The following HGF variants were observed in gnomAD, a reference collection of about 807,000 sequenced individuals.
The protein encoded by HGF is hepatocyte growth factor.
Under a neutral mutation model 111.6 loss-of-function variants are expected in HGF, and 39 were observed. That is an observed-to-expected ratio of 0.35 (90% CI 0.27 to 0.46). The LOEUF is 0.46. Among genes scored for constraint, HGF ranks in the 20% least tolerant of loss-of-function variants. The pLI, the probability that HGF is intolerant of heterozygous loss-of-function variation, is 1.00. For missense variants in HGF, 735 were observed against 910.5 expected (o/e 0.81, Z 2.48); for synonymous variants, 285 against 294.8 (o/e 0.97, Z 0.34).
chr7:81,744,052 C>T (rs778808550), intron 6 of HGF, among the ~76,000 whole-genome samples: 5 of 151,956 alleles, frequency 3.3e-5, no homozygotes, highest in Admixed American at 1.3e-4. Context: ...CTCACTTAAA[C>T]GACAAGACAA....
At chr7:81,704,816 G>A (rs1221078687) in intron 17 of HGF, among the ~76,000 whole-genome samples, 1 of 151,754 alleles carries the variant, frequency 6.6e-6, no homozygotes, top group African/African-American at 2.4e-5. Flanking sequence ...GTAAAATAGG[G>A]ATAGGAACAT....
At chr7:81,765,443 A>T (rs1223281671) in intron 1 of HGF, among the ~76,000 whole-genome samples, 1 of 152,108 alleles carries the variant, frequency 6.6e-6, no homozygotes, top group Non-Finnish European at 1.5e-5. Context: ...AAAACAAATA[A>T]ATCTATTATT....
intron 4 of HGF, among the ~76,000 whole-genome samples, chr7:81,754,472 A>T (rs1178346711): frequency 2.0e-5 from 3 of 152,044 alleles, no homozygotes; most frequent in African/African-American, 7.2e-5. Context: ...TAAGTCAACA[A>T]TTTATTAGGA....
intron 10 of HGF, among the ~76,000 whole-genome samples, chr7:81,720,488 T>C (rs1478867594): frequency 6.6e-6 from 1 of 152,202 alleles, no homozygotes; most frequent in Non-Finnish European, 1.5e-5. Context: ...TTTGTTGATG[T>C]TCCCCATGGT....
At chr7:81,756,125 TG>T in intron 4 of HGF, 1 of 692,296 alleles carries the variant, frequency 1.4e-6, no homozygotes, top group South Asian at 1.5e-5. Flanking sequence ...GCCCTGAAGT[TG>T]TTAAAAGCGC....
rs546227025 is a variant in HGF, at chr7:81,726,029, A to G, written c.1041-12T>C. ...TTTCTCGTAGGTCCCTATTGAGAAT[A>G]AGCATGTTAATGTAAATTGCCGGAG... On this transcript the variant is annotated splice_polypyrimidine_tract_variant and intron_variant, in intron 8 of 17. Transcript: ENST00000222390. The G allele has an allele frequency of 1.5e-4, 242 of 1,613,774 alleles. No individual in the cohort carries two copies. The South Asian group carries it at 2.5e-3, about 17-fold the overall frequency.
At chr7:81,713,337 C>T (rs1346944382) in intron 11 of HGF, among the ~76,000 whole-genome samples, 1 of 151,940 alleles carries the variant, frequency 6.6e-6, no homozygotes, top group Non-Finnish European at 1.5e-5. Context: ...CCAGTCTGGC[C>T]AACACAGTGA....
intron 10 of HGF, among the ~76,000 whole-genome samples, chr7:81,718,069 A>C (rs1293047193): frequency 2.0e-5 from 3 of 152,202 alleles, no homozygotes; most frequent in Non-Finnish European, 4.4e-5. Context: ...TCAATTCTAC[A>C]TGGCCACTTT....
chr7:81,726,097 C>G, intron 8 of HGF, 80 bp from the exon 9 acceptor site: 1 of 1,391,368 alleles, frequency 7.2e-7, no homozygotes, highest in Non-Finnish European at 1.0e-6. Context: ...TTCTAGAATT[C>G]TAGAATGTAT....
intron 11 of HGF, among the ~76,000 whole-genome samples, chr7:81,714,215 T>C (rs902682152): frequency 2.0e-5 from 3 of 152,178 alleles, no homozygotes; most frequent in African/African-American, 7.2e-5. Flanking sequence ...TATATTGCTT[T>C]GTAATTATTT....
intron 2 of HGF, among the ~76,000 whole-genome samples, chr7:81,759,948 A>C (rs1359737378): frequency 6.6e-6 from 1 of 152,140 alleles, no homozygotes; most frequent in Non-Finnish European, 1.5e-5. Flanking sequence ...ATAAATACGC[A>C]AAAAAATGAT....
chr7:81,767,941 A>C (rs894268450), intron 1 of HGF, among the ~76,000 whole-genome samples: 5 of 152,206 alleles, frequency 3.3e-5, no homozygotes, highest in Non-Finnish European at 5.9e-5. Flanking sequence ...AAAAACTATC[A>C]AACTGGCCAT....
At chr7:81,729,902 A>G in intron 7 of HGF, 123 bp from the exon 8 acceptor site, 1 of 732,260 alleles carries the variant, frequency 1.4e-6, no homozygotes, top group Non-Finnish European at 2.2e-6. Context: ...ATAAGCTTTT[A>G]TAATAATTGA....
chr7:81,702,791 T>C (rs180830562), intron 17 of HGF, 34 bp from the exon 18 acceptor site: 2 of 1,576,424 alleles, frequency 1.3e-6, no homozygotes, highest in East Asian at 4.5e-5. Context: ...AAAGTATTAT[T>C]AGGAATTAAA....
At chr7:81,726,601 T>C (rs1292873624) in intron 8 of HGF, among the ~76,000 whole-genome samples, 1 of 152,172 alleles carries the variant, frequency 6.6e-6, no homozygotes, top group Non-Finnish European at 1.5e-5. Flanking sequence ...TTTATTGATT[T>C]AGAGAGGTTA....
Position 81,706,484 on chromosome 7 carries a change from AT to A in HGF, c.1617-58del, listed in dbSNP as rs1789431427. On this transcript the variant is annotated intron_variant, in intron 14 of 17. Coordinates refer to ENST00000222390, the MANE Select transcript of HGF (RefSeq NM_000601.6). The stretch of plus-strand genomic sequence containing the variant: ...ACATAATAATTCCAAATTCTGTAGT[AT>A]TATTCCTATCTATTGTTATTTTAGA... 4 of 1,361,638 alleles carry A rather than the reference AT, an allele frequency of 2.9e-6. No homozygotes were observed. The South Asian group carries it at 4.7e-5, about 16-fold the overall frequency. 84.3% of individuals were successfully genotyped at this position (1,361,638 alleles called of 1,614,324 possible).
At position 81,766,591 on chromosome 7, in the gene HGF, A is replaced by G. The variant is rs150006081; in HGVS notation, c.88+3293T>C. 5.6e-3 allele frequency among the ~76,000 whole-genome samples: 858 copies of G among 152,278 alleles called. 7 individuals are homozygous for G. Among genetic ancestry groups the G allele is most frequent in the African/African-American group, 0.02 (813 of 41,566 alleles). On this transcript the variant is annotated intron_variant, in intron 1 of 17. Transcript: ENST00000222390. ...TGTGTCAGATGTAAATCAAATGCTG[A>G]TATTTGAGAAGCTGCAGCATCATCT...
intron 9 of HGF, among the ~76,000 whole-genome samples, chr7:81,721,055 C>T (rs1194408677): frequency 5.3e-5 from 8 of 152,184 alleles, no homozygotes; most frequent in Non-Finnish European, 1.5e-5. Flanking sequence ...ACCATCCTGG[C>T]TAACACGGTG....
intron 8 of HGF, among the ~76,000 whole-genome samples, chr7:81,726,290 G>A (rs1056196904): frequency 6.6e-6 from 1 of 152,008 alleles, no homozygotes; most frequent in African/African-American, 2.4e-5. Flanking sequence ...AGAGAGAAAC[G>A]GTACCGCTGC....
Sources: gnomAD v4.1 joint callset for allele counts (sites outside exome capture counted in the v4.1 genomes callset) on GRCh38, gnomAD v4.1.1 for gene constraint, MANE v1.5 for transcripts, NCBI Gene and HGNC (gene_info 2026-07-23, HGNC 2026-07-21) for gene names.